The following DIAPH2 variants were observed in gnomAD, a reference collection of about 807,000 sequenced individuals.
DIAPH2 encodes the protein protein diaphanous homolog 2.
A neutral mutation model predicts 92.7 loss-of-function variants in DIAPH2; 35 were observed. That is an observed-to-expected ratio of 0.38 (90% confidence interval 0.29 to 0.50). The LOEUF is 0.50. Ranked by LOEUF, DIAPH2 falls within the 20% of genes least tolerant of loss-of-function variation. DIAPH2 has a pLI of 0.94. For synonymous variants in DIAPH2, 301 were observed against 280.4 expected, an observed-to-expected ratio of 1.07 and a Z score of -0.73; for missense variants, 701 against 819.5, an observed-to-expected ratio of 0.86 and a Z score of 1.77.
chrX:97,246,027 C>T (rs898888482), intron 22 of DIAPH2, among the ~76,000 whole-genome samples: 2 of 107,292 alleles, frequency 1.9e-5, no homozygotes, highest in East Asian at 5.8e-4. Context: ...CTTAGCCTCC[C>T]GAGTAGCTGG....
intron 26 of DIAPH2, among the ~76,000 whole-genome samples, chrX:97,488,668 A>G (rs2070705278): frequency 8.9e-6 from 1 of 111,734 alleles, no homozygotes; most frequent in Non-Finnish European, 1.9e-5. Context: ...TTGCATGTCC[A>G]TATCCAATTT....
chrX:97,325,401 G>T (rs2068941449), intron 23 of DIAPH2, among the ~76,000 whole-genome samples: 1 of 111,219 alleles, frequency 9.0e-6, no homozygotes, highest in African/African-American at 3.3e-5. Flanking sequence ...TACTTTTAAT[G>T]GCTACATTGA....
intron 22 of DIAPH2, among the ~76,000 whole-genome samples, chrX:97,233,521 G>A (rs142095074): frequency 6.0e-4 from 67 of 112,012 alleles, no homozygotes; most frequent in Admixed American, 9.5e-4. Flanking sequence ...GAATGTACTG[G>A]AGTATCATTT....
intron 23 of DIAPH2, among the ~76,000 whole-genome samples, chrX:97,259,418 A>G (rs772808160): frequency 6.2e-5 from 7 of 112,146 alleles, no homozygotes; most frequent in African/African-American, 6.5e-5. Context: ...GAGGGTAAAA[A>G]TCAAATTCTA....
At chrX:96,956,313 C>A (rs2065810233) in intron 15 of DIAPH2, among the ~76,000 whole-genome samples, 1 of 108,696 alleles carries the variant, frequency 9.2e-6, no homozygotes, top group South Asian at 4.1e-4. Flanking sequence ...GCGGGAGGGC[C>A]CTGGACCTGG....
intron 26 of DIAPH2, among the ~76,000 whole-genome samples, chrX:97,507,166 A>AAAAG (rs2070842387): frequency 7.6e-5 from 7 of 92,052 alleles, no homozygotes; most frequent in African/African-American, 2.5e-4. Context: ...AAAAAAAAAA[A>AAAAG]TCCCTACCTT....
chrX:97,508,864 TCTAA>T (rs1281552203), intron 26 of DIAPH2, among the ~76,000 whole-genome samples: 2 of 110,021 alleles, frequency 1.8e-5, no homozygotes, highest in African/African-American at 6.6e-5. Flanking sequence ...CCAGCTTGAA[TCTAA>T]CTATTTCTCT....
intron 23 of DIAPH2, among the ~76,000 whole-genome samples, chrX:97,298,929 T>C (rs2068670801): frequency 8.9e-6 from 1 of 112,044 alleles, no homozygotes; most frequent in African/African-American, 3.2e-5. Flanking sequence ...CTTAGTCCTT[T>C]TCTTACCTGT....
At chrX:97,589,023 AT>A (rs1314367297) in intron 26 of DIAPH2, among the ~76,000 whole-genome samples, 1 of 84,196 alleles carries the variant, frequency 1.2e-5, no homozygotes, top group Non-Finnish European at 2.4e-5. Flanking sequence ...ATATATATAT[AT>A]ATAAAAGAAT....
chrX:96,816,958 G>T (rs1279680663), intron 4 of DIAPH2, among the ~76,000 whole-genome samples: 1 of 111,802 alleles, frequency 8.9e-6, no homozygotes, highest in African/African-American at 3.3e-5. Flanking sequence ...TATGTTAAGT[G>T]AAATAAGCCA....
chrX:96,928,240 G>A (rs2065596581), intron 9 of DIAPH2, among the ~76,000 whole-genome samples: 1 of 110,979 alleles, frequency 9.0e-6, no homozygotes, highest in Admixed American at 9.7e-5. Flanking sequence ...TACTAATCTT[G>A]TGTGGTTTTT....
chrX:97,464,818 AAT>A (rs752739687), intron 26 of DIAPH2, among the ~76,000 whole-genome samples: 10 of 111,263 alleles, frequency 9.0e-5, no homozygotes, highest in Non-Finnish European at 1.7e-4. Context: ...TGGCTACATA[AAT>A]ATATATATAT....
intron 4 of DIAPH2, among the ~76,000 whole-genome samples, chrX:96,869,322 G>A (rs987166458): frequency 9.1e-6 from 1 of 110,484 alleles, no homozygotes; most frequent in Admixed American, 9.7e-5. Context: ...CCAGCACTTT[G>A]GGAGGCCGAG....
At chrX:97,097,734 C>A (rs774895327) in intron 19 of DIAPH2, among the ~76,000 whole-genome samples, 4 of 111,292 alleles carry the variant, frequency 3.6e-5, no homozygotes, top group Non-Finnish European at 7.5e-5. Flanking sequence ...ATTCAAGTTA[C>A]CAAACTGAGT....
intron 23 of DIAPH2, among the ~76,000 whole-genome samples, chrX:97,329,814 A>G (rs1217862512): frequency 4.6e-5 from 5 of 108,608 alleles, no homozygotes; most frequent in African/African-American, 1.7e-4. Context: ...ATTGTCACAA[A>G]GTAGCTCTAA....
At chrX:97,159,181 T>C (rs1470655704) in intron 22 of DIAPH2, among the ~76,000 whole-genome samples, 3 of 111,945 alleles carry the variant, frequency 2.7e-5, no homozygotes, top group Non-Finnish European at 5.6e-5. Context: ...ACTATTTCAG[T>C]TGGGGTTCAT....
intron 24 of DIAPH2, among the ~76,000 whole-genome samples, chrX:97,353,499 T>C (rs1387410675): frequency 9.0e-6 from 1 of 111,373 alleles, no homozygotes; most frequent in African/African-American, 3.2e-5. Context: ...TTTGCTTTTT[T>C]AAAGAACAAT....
intron 16 of DIAPH2, among the ~76,000 whole-genome samples, chrX:96,961,680 C>T (rs1194602122): frequency 9.1e-6 from 1 of 109,549 alleles, no homozygotes; most frequent in African/African-American, 3.3e-5. Flanking sequence ...ATGAACATCC[C>T]TCTTAGCATT....
chrX:97,071,121 G>A (rs1260493856), intron 17 of DIAPH2, among the ~76,000 whole-genome samples: 2 of 111,315 alleles, frequency 1.8e-5, no homozygotes, highest in Non-Finnish European at 3.8e-5. Context: ...GATTCTAGAA[G>A]TAATTTCAAT....
Sources: allele counts gnomAD v4.1 joint callset (sites outside exome capture counted in the v4.1 genomes callset), GRCh38; gene constraint gnomAD v4.1.1; transcripts MANE v1.5; gene names NCBI Gene and HGNC (gene_info 2026-07-23, HGNC 2026-07-21).